The following HLA-F variants were observed in gnomAD, a reference collection of about 807,000 sequenced individuals.
The protein encoded by HLA-F is major histocompatibility complex, class I, F.
Under a neutral mutation model 49.5 loss-of-function variants are expected in HLA-F, and 46 were observed. The ratio of observed to expected loss-of-function variants is 0.93; its 90% CI spans 0.73 to 1.19. The LOEUF (loss-of-function observed/expected upper bound fraction) is 1.19. HLA-F is among the 50% of genes most tolerant of loss of function. The pLI is 0.00. For missense variants in HLA-F, 496 were observed against 579.6 expected, an observed-to-expected ratio of 0.86 and a Z score of 1.48; for synonymous variants, 203 against 233.5, an observed-to-expected ratio of 0.87 and a Z score of 1.19.
chr6:29,726,133 C>A, intron 6 of HLA-F, 90 bp downstream of exon 6: 1 of 1,274,228 alleles, frequency 7.8e-7, no homozygotes, highest in African/African-American at 1.5e-5. Flanking sequence ...GTTCCTCTAG[C>A]CACATCTGTG....
rs1775944362 is a variant in HLA-F, at chr6:29,725,508, A to T, written c.948A>T (p.Gly316=). Reference sequence around the variant, plus strand: ...TCGTTGCTGGCCTTGTTGTCCTTGGAGCTGTGGTCACTGGAGCTGTGGTCG... The same window carrying T: ...TCGTTGCTGGCCTTGTTGTCCTTGGTGCTGTGGTCACTGGAGCTGTGGTCG... ...VGIVAGLVVL[G]AVVTGAVVAA... Residue 316 remains glycine, a synonymous_variant, in exon 5 of 7, where the codon GGA becomes GGT. Transcript: ENST00000259951. 1 of 1,613,784 alleles carries T rather than the reference A, an allele frequency of 6.2e-7. No homozygotes were observed. The highest frequency in any genetic ancestry group is 1.1e-5 in the South Asian group (1 of 91,072).
In HLA-F at chr6:29,725,398, G is replaced by A. The variant is rs372380683; in HGVS notation, c.887-49G>A. The A allele has an allele frequency of 2.5e-6, 4 of 1,608,680 alleles. No individual in the cohort carries two copies. In the African/African-American group the frequency reaches 4.0e-5, roughly 16 times the overall value. The stretch of plus-strand genomic sequence containing the variant: ...CTTCTGGAGCTCTTCAGCAGGGTCA[G>A]GGCTGAGGCCTGGAGATCAGGGCCC... On this transcript the variant is annotated intron_variant, in intron 4 of 6. Transcript: ENST00000259951.
At chr6:29,728,435 G>A (rs747620922), downstream of HLA-F, 1 of 187,914 alleles carries the variant, frequency 5.3e-6, no homozygotes, top group Non-Finnish European at 1.1e-5. Flanking sequence ...ATTGGATGTT[G>A]ATATTCATCA....
chr6:29,726,718 G>T, intron 6 of HLA-F, 165 bp from the exon 7 acceptor site: 1 of 1,251,712 alleles, frequency 8.0e-7, no homozygotes, highest in South Asian at 1.2e-5. Flanking sequence ...GTAGTCAGGA[G>T]CCAGTCGAAC....
intron 3 of HLA-F, among the ~76,000 whole-genome samples, chr6:29,734,420 G>A (rs546683799): frequency 6.6e-6 from 1 of 152,286 alleles, no homozygotes; most frequent in South Asian, 2.1e-4. Flanking sequence ...AATTGCCCCA[G>A]AGTTGCACCT....
chr6:29,730,561 T>C (rs1776482597), downstream of HLA-F, among the ~76,000 whole-genome samples: 1 of 152,170 alleles, frequency 6.6e-6, no homozygotes, highest in African/African-American at 2.4e-5. Context: ...ATGTATGTTT[T>C]ACCACAATAT....
At chr6:29,726,793 A>G (rs3734813) in intron 6 of HLA-F, 90 bp from the exon 7 acceptor site, 211,465 of 1,445,726 alleles carry the variant, frequency 0.15, 18,251 homozygotes, top group South Asian at 0.29. Flanking sequence ...AATGTCACAA[A>G]CTTCTTCACA....
At chr6:29,731,226 T>C (rs1776552315), downstream of HLA-F, among the ~76,000 whole-genome samples, 1 of 64,098 alleles carries the variant, frequency 1.6e-5, no homozygotes. Flanking sequence ...ATAGAGTAGA[T>C]GGATACATAG....
At chr6:29,733,529 A>T (rs1776806292) in intron 3 of HLA-F, among the ~76,000 whole-genome samples, 2 of 152,356 alleles carry the variant, frequency 1.3e-5, no homozygotes, top group South Asian at 4.1e-4. Flanking sequence ...GAGATGGGAG[A>T]ATCACTTGAG....
chr6:29,724,736 G>C (rs776779537), intron 3 of HLA-F, among the ~76,000 whole-genome samples: 1 of 152,114 alleles, frequency 6.6e-6, no homozygotes, highest in South Asian at 2.1e-4. Flanking sequence ...CTTGGGCCCC[G>C]TGACTTTTCT....
In HLA-F at chr6:29,725,047, C is replaced by G. The variant is rs1251009287; in HGVS notation, c.627C>G (p.His209Gln). Reference sequence around the variant, plus strand: ...TCTTCTCAGATCCTCCAAAGGCACACGTTGCCCACCACCCCATCTCTGACC... The same window carrying G: ...TCTTCTCAGATCCTCCAAAGGCACAGGTTGCCCACCACCCCATCTCTGACC... ...TLQRADPPKAHVAHHPISDHE... is the reference protein window; with the variant it reads ...TLQRADPPKAQVAHHPISDHE... Residue 209 changes from histidine (H) to glutamine (Q), a missense_variant, in exon 4 of 7, where the codon CAC becomes CAG. Coordinates refer to ENST00000259951, the MANE Select transcript of HLA-F (RefSeq NM_001098479.2). The G allele has an allele frequency of 1.2e-6, 2 of 1,613,328 alleles. No individual in the cohort carries two copies. Among genetic ancestry groups the G allele is most frequent in the African/African-American group, 2.7e-5 (2 of 74,822 alleles).
chr6:29,735,286 A>C (rs1347153245), intron 3 of HLA-F: 2 of 147,904 alleles, frequency 1.4e-5, no homozygotes, highest in Non-Finnish European at 3.0e-5. Context: ...ATATAATTTC[A>C]TAGTAGTACT....
chr6:29,728,081 T>C, downstream of HLA-F: 1 of 518,920 alleles, frequency 1.9e-6, no homozygotes, highest in Non-Finnish European at 3.8e-6. Flanking sequence ...GAGGAGGAGG[T>C]GCTACCAGCA....
Position 29,726,004 on chromosome 6 carries a change from C to A in HLA-F, c.1004-7C>A. 6.2e-7 allele frequency: 1 copy of A among 1,614,014 alleles called. No individual in the cohort carries two copies. Among genetic ancestry groups the A allele is most frequent in the Non-Finnish European group, 8.5e-7 (1 of 1,179,894 alleles). On this transcript the variant is annotated splice_polypyrimidine_tract_variant and splice_region_variant and intron_variant, in intron 5 of 6. Coordinates refer to ENST00000259951, the MANE Select transcript of HLA-F (RefSeq NM_001098479.2). ...CTGGCCTCTCACAGGACATTTTCTT[C>A]CCATAGATAGAAACAGAGGGAGCTA...
intron 3 of HLA-F, 130 bp from the exon 4 acceptor site, chr6:29,724,901 G>A: frequency 9.6e-7 from 1 of 1,042,428 alleles, no homozygotes; most frequent in East Asian, 2.5e-5. Context: ...TCTGTGTCCA[G>A]GCTGGTGTCT....
intron 3 of HLA-F, chr6:29,736,112 C>G (rs560855214): frequency 3.7e-4 from 90 of 244,318 alleles, no homozygotes; most frequent in Non-Finnish European, 6.5e-4. Context: ...GCATACCTCT[C>G]TCTTCCATCC....
rs748681083 is a variant in HLA-F, at chr6:29,723,520, T to C, written c.57T>C (p.Thr19=). The C allele has an allele frequency of 1.2e-6, 2 of 1,612,080 alleles. No homozygotes were observed. The highest frequency in any genetic ancestry group is 1.7e-6 in the Non-Finnish European group (2 of 1,179,580). Residue 19 remains threonine (T), a synonymous_variant, in exon 1 of 7, where the codon ACT becomes ACC. Transcript: ENST00000259951. ...CAGGGGCCCTGGCCCTGACCGATAC[T>C]TGGGCGGGTGAGTGCGGGGTCCAGA... ...LLSGALALTD[T]WAGSHSLRYF... is the part of the protein sequence containing the mutation.
downstream of HLA-F, among the ~76,000 whole-genome samples, chr6:29,730,528 G>A (rs538188213): frequency 5.8e-4 from 88 of 152,244 alleles, 2 homozygotes; most frequent in Middle Eastern, 0.01. Context: ...CTGAAAAAGT[G>A]GTTAGAAGGT....
chr6:29,726,900 GGAA>G lies in HLA-F; in HGVS notation c.1055_1057del (p.Gly352_Asn353delinsAsp). ...CTTCACAGCCTACTCAGTGGTCAGC[GGAA>G]ACTTGATGATAACATGGTGGTCAAG... On this transcript the variant is annotated inframe_deletion, in exon 7 of 7. Coordinates refer to ENST00000259951, the MANE Select transcript of HLA-F (RefSeq NM_001098479.2). The G allele has an allele frequency of 6.2e-7, 1 of 1,604,372 alleles. No homozygotes were observed. Among genetic ancestry groups the G allele is most frequent in the Non-Finnish European group, 8.5e-7 (1 of 1,179,792 alleles).
Sources: gnomAD v4.1 joint callset for allele counts (sites outside exome capture counted in the v4.1 genomes callset) on GRCh38, gnomAD v4.1.1 for gene constraint, MANE v1.5 for transcripts, NCBI Gene and HGNC (gene_info 2026-07-23, HGNC 2026-07-21) for gene names.